Variants in DLGAP2 observed in about 807,000 individuals in gnomAD.
DLGAP2 encodes the protein DLG associated protein 2.
Under a neutral mutation model 100.3 loss-of-function variants are expected in DLGAP2, and 26 were observed. That is an observed-to-expected ratio of 0.26 (90% CI 0.19 to 0.36). The LOEUF (loss-of-function observed/expected upper bound fraction) is 0.36. Ranked by LOEUF, DLGAP2 falls within the 10% of genes least tolerant of loss-of-function variation. The probability of loss-of-function intolerance (pLI) is 1.00; values close to 1 mark genes in which losing one functional copy is unlikely to be tolerated. For synonymous variants in DLGAP2, 886 were observed against 630.1 expected, an observed-to-expected ratio of 1.41 and a Z score of -6.08; for missense variants, 1,858 against 1,453.2, an observed-to-expected ratio of 1.28 and a Z score of -4.53.
At chr8:1,360,838 G>A (rs995537972) in intron 3 of DLGAP2, among the ~76,000 whole-genome samples, 3 of 152,200 alleles carry the variant, frequency 2.0e-5, no homozygotes, top group Admixed American at 6.5e-5. Context: ...GGCGTGGGCC[G>A]TCTGCACACG....
rs371731735 is a variant in DLGAP2 at position 1,533,933 on chromosome 8, C to T, written c.173-14693C>T. 9.7e-4 allele frequency among the ~76,000 whole-genome samples: 147 copies of T among 152,280 alleles called. 2 individuals carry two copies. The Middle Eastern group carries it at 0.01, about 11-fold the overall frequency. ...TCACACCACTGCACTCCAGACTGGG[C>T]AGCAGAGCAAGACTTTATCTAAAAA... On this transcript the variant is annotated intron_variant, in intron 4 of 14. Transcript: ENST00000637795.
At chr8:1,134,579 ATGTAATCTAAAACATGATTTCAAAT>A (rs1796365054) in intron 2 of DLGAP2, among the ~76,000 whole-genome samples, 1 of 152,228 alleles carries the variant, frequency 6.6e-6, no homozygotes, top group Admixed American at 6.5e-5. Context: ...AATGTAAGCA[ATGTAATCTAAAACATGATTTCAAAT>A]TGAATAAACT....
chr8:1,041,620 CGTGGGTG>C, intron 2 of DLGAP2, among the ~76,000 whole-genome samples: 2 of 124,456 alleles, frequency 1.6e-5, no homozygotes, highest in African/African-American at 6.4e-5. Flanking sequence ...AGCCCCTTGC[CGTGGGTG>C]AGTGTTCTCC....
intron 3 of DLGAP2, among the ~76,000 whole-genome samples, chr8:1,482,336 C>A (rs982681409): frequency 5.9e-5 from 9 of 152,218 alleles, no homozygotes; most frequent in African/African-American, 2.2e-4. Flanking sequence ...GGCTTGCCTT[C>A]CTCAGAGTTC....
At chr8:1,530,359 T>C (rs956104595) in intron 4 of DLGAP2, among the ~76,000 whole-genome samples, 53 of 152,216 alleles carry the variant, frequency 3.5e-4, no homozygotes, top group Non-Finnish European at 5.9e-4. Flanking sequence ...GGCTCTGTTC[T>C]GCCCAGCTCA....
intron 2 of DLGAP2, among the ~76,000 whole-genome samples, chr8:1,123,736 C>T (rs1034052386): frequency 2.0e-5 from 3 of 152,034 alleles, no homozygotes; most frequent in Non-Finnish European, 4.4e-5. Context: ...GGTGTCTCTC[C>T]CTGCCTTTCT....
chr8:1,107,199 C>G (rs979982745), intron 2 of DLGAP2, among the ~76,000 whole-genome samples: 1 of 152,240 alleles, frequency 6.6e-6, no homozygotes, highest in African/African-American at 2.4e-5. Context: ...TGCACTGGTT[C>G]TGTGACTTTG....
Position 1,683,633 on chromosome 8 carries a change from G to A in DLGAP2, c.2704+5004G>A, listed in dbSNP as rs375508472. Among the ~76,000 whole-genome samples, 67 of 150,406 alleles carry A rather than the reference G, an allele frequency of 4.5e-4. 1 individual carries two copies. Among genetic ancestry groups the A allele is most frequent in the African/African-American group, 1.5e-3 (63 of 41,092 alleles). On this transcript the variant is annotated intron_variant, in intron 12 of 14. Transcript: ENST00000637795. ...GAGTGCCAGACAATAGGAATGGGGAGGAAGAGAGGGAAGCAGGAGGATGGG... is the reference window on the plus strand; with the variant it reads ...GAGTGCCAGACAATAGGAATGGGGAAGAAGAGAGGGAAGCAGGAGGATGGG...
At chr8:1,204,751 A>G (rs919341754) in intron 2 of DLGAP2, among the ~76,000 whole-genome samples, 4 of 152,172 alleles carry the variant, frequency 2.6e-5, no homozygotes, top group African/African-American at 9.7e-5. Flanking sequence ...GAGAGGAGAA[A>G]GCAAGGAAGA....
chr8:1,036,068 C>T (rs1319651092), intron 2 of DLGAP2, among the ~76,000 whole-genome samples: 11 of 126,326 alleles, frequency 8.7e-5, no homozygotes, highest in African/African-American at 1.7e-4. Context: ...CGTGTCACCG[C>T]GAGTGGGTTC....
At chr8:1,480,871 AAAAAG>A (rs541739616) in intron 3 of DLGAP2, among the ~76,000 whole-genome samples, 9 of 149,654 alleles carry the variant, frequency 6.0e-5, no homozygotes, top group South Asian at 2.1e-4. Context: ...CATATAAAAA[AAAAAG>A]AAAAGAAAAG....
Position 1,610,343 on chromosome 8 carries a change from G to A in DLGAP2, c.1443-16397G>A, listed in dbSNP as rs1427151083. Among the ~76,000 whole-genome samples the A allele has an allele frequency of 1.3e-3, 195 of 151,536 alleles. 1 individual carries two copies. The highest frequency in any genetic ancestry group is 4.3e-3 in the African/African-American group (178 of 41,292). Reference sequence around the variant, plus strand: ...TAAAGATGTTCTTTGAAACCAACGAGAACAAAGACACAACAAACCAGAATC... The same window carrying A: ...TAAAGATGTTCTTTGAAACCAACGAAAACAAAGACACAACAAACCAGAATC... On this transcript the variant is annotated intron_variant, in intron 6 of 14. Transcript: ENST00000637795.
At chr8:1,099,633 G>T (rs1389734143) in intron 2 of DLGAP2, among the ~76,000 whole-genome samples, 1 of 152,226 alleles carries the variant, frequency 6.6e-6, no homozygotes, top group African/African-American at 2.4e-5. Context: ...AGCTTCAGAG[G>T]TGGAGAACGT....
chr8:1,464,524 CACCCTTCCAGGACAAT>C (rs1798565258), intron 3 of DLGAP2, among the ~76,000 whole-genome samples: 1 of 136,566 alleles, frequency 7.3e-6, no homozygotes, highest in African/African-American at 2.7e-5. Flanking sequence ...TCCAGGAAAG[CACCCTTCCAGGACAAT>C]ACCCTTCCAG....
chr8:1,163,613 C>T (rs1796934434), intron 2 of DLGAP2, among the ~76,000 whole-genome samples: 1 of 152,214 alleles, frequency 6.6e-6, no homozygotes. Context: ...TAACTGACCC[C>T]GGAAGCGCAG....
At chr8:1,231,328 C>G (rs745960889) in intron 2 of DLGAP2, among the ~76,000 whole-genome samples, 1 of 152,042 alleles carries the variant, frequency 6.6e-6, no homozygotes, top group Non-Finnish European at 1.5e-5. Flanking sequence ...ATTAAAAAGT[C>G]GAAAAACAAC....
intron 1 of DLGAP2, among the ~76,000 whole-genome samples, chr8:903,643 CTTAGTGA>C: frequency 6.6e-6 from 1 of 152,104 alleles, no homozygotes; most frequent in South Asian, 2.1e-4. Context: ...AGACCAAGAG[CTTAGTGA>C]CTTGGTGAAT....
At position 882,486 on chromosome 8, in the gene DLGAP2, C is replaced by T. The variant is rs545425010; in HGVS notation, c.19-25426C>T. On this transcript the variant is annotated intron_variant, in intron 1 of 14. Transcript: ENST00000637795. ...TCTCCTGCGGGCACCCTCGCCTGAT[C>T]CAGCGGTACCTCTCCCTGCGGAGGC... 7.0e-5 allele frequency among the ~76,000 whole-genome samples: 9 copies of T among 127,866 alleles called. 2 individuals carry two copies. The South Asian group carries it at 8.9e-4, about 13-fold the overall frequency. The allele number at this position is 127,866 out of a possible 152,430, so 83.9% of individuals were successfully genotyped here.
intron 7 of DLGAP2, among the ~76,000 whole-genome samples, chr8:1,632,412 C>T (rs1797668964): frequency 6.6e-6 from 1 of 152,118 alleles, no homozygotes; most frequent in Non-Finnish European, 1.5e-5. Flanking sequence ...GGCCTCAGTG[C>T]CTGGAGCCAT....
Sources: allele counts gnomAD v4.1 joint callset (sites outside exome capture counted in the v4.1 genomes callset), GRCh38; gene constraint gnomAD v4.1.1; transcripts MANE v1.5; gene names NCBI Gene and HGNC (gene_info 2026-07-23, HGNC 2026-07-21).